Variants in NCOA2 observed in about 807,000 individuals in gnomAD.
NCOA2 encodes the protein nuclear receptor coactivator 2.
In NCOA2, 21 loss-of-function variants were observed where a neutral mutation model predicts 145.1. That is an observed-to-expected ratio of 0.14 (90% CI 0.10 to 0.21). NCOA2 has a LOEUF of 0.21. NCOA2 is among the 10% of genes least tolerant of loss of function. The pLI is 1.00. For synonymous variants in NCOA2, 619 were observed against 637.5 expected, an observed-to-expected ratio of 0.97 and a Z score of 0.44; for missense variants, 1,472 against 1,837.6, an observed-to-expected ratio of 0.80 and a Z score of 3.64.
At chr8:70,203,269 A>AAAAAAAAG (rs1368662166) in intron 4 of NCOA2, among the ~76,000 whole-genome samples, 12 of 151,606 alleles carry the variant, frequency 7.9e-5, no homozygotes, top group South Asian at 2.1e-4. Flanking sequence ...CTCAAAAAAA[A>AAAAAAAAG]AAAGAAAAAA....
intron 15 of NCOA2, among the ~76,000 whole-genome samples, chr8:70,136,020 T>C (rs1005289456): frequency 6.6e-6 from 1 of 152,160 alleles, no homozygotes; most frequent in Admixed American, 6.5e-5. Flanking sequence ...TGATGAGAAA[T>C]AGTCAACAAA....
At chr8:70,245,797 G>A (rs191795098) in intron 2 of NCOA2, among the ~76,000 whole-genome samples, 1 of 152,152 alleles carries the variant, frequency 6.6e-6, no homozygotes, top group African/African-American at 2.4e-5. Context: ...TGAACAGTGA[G>A]GGGCAGTTAA....
intron 1 of NCOA2, among the ~76,000 whole-genome samples, chr8:70,372,678 G>A (rs1036510334): frequency 5.9e-5 from 9 of 152,078 alleles, no homozygotes; most frequent in Admixed American, 2.0e-4. Flanking sequence ...GTGTAAGTCT[G>A]GTATGTTTTA....
intron 1 of NCOA2, among the ~76,000 whole-genome samples, chr8:70,403,205 G>A (rs1440421548): frequency 1.3e-5 from 2 of 151,240 alleles, no homozygotes; most frequent in South Asian, 2.1e-4. Context: ...CACCTTCTCG[G>A]CTCTGCCGCG....
At chr8:70,392,519 G>C (rs1334141396) in intron 1 of NCOA2, among the ~76,000 whole-genome samples, 1 of 152,176 alleles carries the variant, frequency 6.6e-6, no homozygotes, top group African/African-American at 2.4e-5. Context: ...TGTGTGAACT[G>C]GAAGGTCTTT....
intron 2 of NCOA2, among the ~76,000 whole-genome samples, chr8:70,230,482 C>A (rs1203002174): frequency 6.6e-6 from 1 of 152,256 alleles, no homozygotes; most frequent in African/African-American, 2.4e-5. Flanking sequence ...AATTATATCT[C>A]AAGAAAGCTA....
chr8:70,164,365 C>G (rs1301824894), intron 7 of NCOA2, among the ~76,000 whole-genome samples: 2 of 152,186 alleles, frequency 1.3e-5, no homozygotes, highest in Non-Finnish European at 2.9e-5. Flanking sequence ...ATGCTGTTGT[C>G]AAAAAACTTA....
chr8:70,119,152 A>G (rs1041190789), intron 22 of NCOA2, among the ~76,000 whole-genome samples: 1 of 122,402 alleles, frequency 8.2e-6, no homozygotes, highest in Non-Finnish European at 1.6e-5. Flanking sequence ...CTAACATTAC[A>G]TTTATTCCAA....
rs943690417 is a variant in NCOA2 at position 70,187,863 on chromosome 8, T to C, written c.260-13004A>G. 7.9e-5 allele frequency among the ~76,000 whole-genome samples: 12 copies of C among 152,364 alleles called. No individual in the cohort carries two copies. In the South Asian group the frequency reaches 2.5e-3, roughly 32 times the overall value. ...CTTCTTTCAATTTAATTATCCTACA[T>C]AAGCTTCTAGATGCTAACTAATTTA... On this transcript the variant is annotated intron_variant, in intron 4 of 22. Transcript: ENST00000452400.
At chr8:70,423,985 T>C in the NCOA2 span, 4 of 153,226 alleles carry the variant, frequency 2.6e-5, no homozygotes, top group East Asian at 7.7e-4. Context: ...TGAGGATCCT[T>C]AGCATACAGC....
At chr8:70,130,813 AG>A (rs760918532) in intron 16 of NCOA2, among the ~76,000 whole-genome samples, 38 of 152,322 alleles carry the variant, frequency 2.5e-4, no homozygotes, top group Non-Finnish European at 3.5e-4. Context: ...ATGCTAAGTA[AG>A]GAGGAAAACA....
At position 70,335,601 on chromosome 8, in the gene NCOA2, G is replaced by A. The variant is rs149675219; in HGVS notation, c.-76-38801C>T. Among the ~76,000 whole-genome samples the A allele has an allele frequency of 3.6e-3, 548 of 152,086 alleles. 4 individuals are homozygous for A. Among genetic ancestry groups the A allele is most frequent in the African/African-American group, 0.013 (527 of 41,500 alleles). On this transcript the variant is annotated intron_variant, in intron 1 of 22. Coordinates refer to ENST00000452400, the MANE Select transcript of NCOA2 (RefSeq NM_006540.4). ...CAATTAAACAACTCTCATTCCTCCC[G>A]CACCCCTGCTCCCTACTCCTGGCAA...
chr8:70,388,109 G>T (rs1812837350), intron 1 of NCOA2, among the ~76,000 whole-genome samples: 1 of 152,104 alleles, frequency 6.6e-6, no homozygotes, highest in African/African-American at 2.4e-5. Context: ...GTTTGGGATG[G>T]TATATAATGC....
intron 1 of NCOA2, among the ~76,000 whole-genome samples, chr8:70,304,693 C>T (rs184709529): frequency 4.3e-4 from 65 of 151,112 alleles, no homozygotes; most frequent in Middle Eastern, 3.4e-3. Context: ...GACAGGGTTT[C>T]ACCATCTTGG....
chr8:70,134,092 A>T (rs532255708), intron 15 of NCOA2, among the ~76,000 whole-genome samples: 1 of 152,228 alleles, frequency 6.6e-6, no homozygotes, highest in Admixed American at 6.5e-5. Flanking sequence ...ACAAAGTCAC[A>T]CATGCTGGGA....
At chr8:70,200,551 T>C (rs1044550872) in intron 4 of NCOA2, among the ~76,000 whole-genome samples, 5 of 152,152 alleles carry the variant, frequency 3.3e-5, no homozygotes, top group Admixed American at 1.3e-4. Context: ...ACAAAATCAT[T>C]GTGTAATTCT....
intron 4 of NCOA2, among the ~76,000 whole-genome samples, chr8:70,204,681 C>T (rs1004903141): frequency 6.6e-6 from 1 of 152,068 alleles, no homozygotes; most frequent in Non-Finnish European, 1.5e-5. Flanking sequence ...AAACTAAGAA[C>T]AAACATGATA....
At position 70,176,199 on chromosome 8, in the gene NCOA2, T is replaced by C. The variant is rs150581953; in HGVS notation, c.260-1340A>G. Among the ~76,000 whole-genome samples, 127 of 152,358 alleles carry C rather than the reference T, an allele frequency of 8.3e-4. 1 individual carries two copies. Among genetic ancestry groups the C allele is most frequent in the African/African-American group, 3.0e-3 (123 of 41,582 alleles). On this transcript the variant is annotated intron_variant, in intron 4 of 22. Coordinates refer to ENST00000452400, the MANE Select transcript of NCOA2 (RefSeq NM_006540.4). ...TATCTTAATACTAGCATATCTGTAT[T>C]GATTAGTTCTTCCTTGAGTTCCAAA... is the stretch of plus-strand genomic sequence containing the variant.
intron 2 of NCOA2, among the ~76,000 whole-genome samples, chr8:70,252,445 G>C (rs2926707): frequency 1.3e-5 from 2 of 151,964 alleles, no homozygotes; most frequent in Admixed American, 6.5e-5. Context: ...AACGTTAGAG[G>C]GAATGGAACT....
Sources: allele counts gnomAD v4.1 joint callset (sites outside exome capture counted in the v4.1 genomes callset), GRCh38; gene constraint gnomAD v4.1.1; transcripts MANE v1.5; gene names NCBI Gene and HGNC (gene_info 2026-07-23, HGNC 2026-07-21).